Variants in PLB1 observed in about 807,000 individuals in gnomAD.
PLB1 encodes phospholipase B1.
PLB1 carries 242 observed loss-of-function variants against 227.4 expected under a neutral mutation model. The observed-to-expected ratio is 1.06, with a 90% CI of 0.96 to 1.18. The LOEUF (loss-of-function observed/expected upper bound fraction) is 1.18. Among genes scored for constraint, PLB1 ranks in the 50% most tolerant of loss-of-function variants. The pLI is 0.00. For missense variants in PLB1, 1,858 were observed against 1,816.3 expected (o/e 1.02, Z -0.42); for synonymous variants, 757 against 682.2 (o/e 1.11, Z -1.71).
At chr2:28,641,465 G>A (rs879567665) in intron 57 of PLB1, among the ~76,000 whole-genome samples, 7 of 152,190 alleles carry the variant, frequency 4.6e-5, no homozygotes, top group South Asian at 2.1e-4. Context: ...AAAGTCAGCC[G>A]GGCATGGTGG....
rs145026141 is a variant in PLB1 at position 28,643,374 on chromosome 2, C to T, written c.*313C>T. The T allele has an allele frequency of 5.6e-4, 137 of 244,864 alleles. No homozygotes were observed. The highest frequency in any genetic ancestry group is 2.5e-3 in the African/African-American group (114 of 45,106). The allele number at this position is 244,864 out of a possible 1,614,324, so 15.2% of individuals were successfully genotyped here. A position where few individuals can be genotyped will look rare whatever the true frequency, so the allele number is the denominator to read the frequency against. ...GCCTCCAGCAGGGCTGCCCAAGCCA[C>T]GACCAACCAGAGCCCAAACTGCCTG... On this transcript the variant is annotated 3_prime_UTR_variant, in exon 58 of 58. Transcript: ENST00000327757.
intron 56 of PLB1, chr2:28,633,332 T>C (rs1377816696): frequency 5.1e-6 from 2 of 391,296 alleles, no homozygotes; most frequent in East Asian, 1.0e-4. Context: ...GTTGGCTAGA[T>C]GAAAATACCA....
intron 39 of PLB1, among the ~76,000 whole-genome samples, chr2:28,603,154 G>A (rs1684165149): frequency 6.6e-6 from 1 of 152,226 alleles, no homozygotes; most frequent in African/African-American, 2.4e-5. Flanking sequence ...GCCACAGAGG[G>A]GAGGGATCAA....
At chr2:28,531,821 C>G (rs948747647) in intron 8 of PLB1, among the ~76,000 whole-genome samples, 1 of 152,108 alleles carries the variant, frequency 6.6e-6, no homozygotes, top group Admixed American at 6.6e-5. Context: ...GAATCATTCA[C>G]GTATCCTTGT....
At chr2:28,548,633 C>T (rs1329147285) in intron 14 of PLB1, 2 of 616,082 alleles carry the variant, frequency 3.2e-6, no homozygotes, top group African/African-American at 3.7e-5. Context: ...CTGTGGTTCT[C>T]AAACTCGGGT....
At chr2:28,634,641 C>T (rs1689085802) in intron 56 of PLB1, among the ~76,000 whole-genome samples, 1 of 152,148 alleles carries the variant, frequency 6.6e-6, no homozygotes, top group Admixed American at 6.5e-5. Flanking sequence ...GGCACGGTGG[C>T]TCATGCCTGT....
rs763808146 is a variant in PLB1, at chr2:28,548,924, C to A, written c.1001C>A (p.Pro334His). 6.2e-6 allele frequency: 10 copies of A among 1,613,834 alleles called. No individual in the cohort carries two copies. Among genetic ancestry groups the A allele is most frequent in the Non-Finnish European group, 7.6e-6 (9 of 1,179,912 alleles). ...AAACACGGGAGGCCAATGAAGTGTC[C>A]CTCTCAGGTAGGAGGGACTGGGCAG... ...SVKHGRPMKC[P>H]SQESPYLFSY... Residue 334 changes from proline (P) to histidine (H), a missense_variant, in exon 15 of 58, where the codon CCC (proline) becomes CAC (histidine). Physicochemically the swap from Pro to His is moderately conservative, Grantham distance 77. Transcript: ENST00000327757.
intron 17 of PLB1, among the ~76,000 whole-genome samples, chr2:28,559,126 A>G (rs940437672): frequency 3.9e-5 from 6 of 152,236 alleles, no homozygotes; most frequent in Admixed American, 3.9e-4. Context: ...CCTGGGCTTG[A>G]TTCCAGGTTT....
intron 20 of PLB1, among the ~76,000 whole-genome samples, chr2:28,570,636 A>C (rs979221241): frequency 3.9e-5 from 6 of 152,122 alleles, no homozygotes; most frequent in African/African-American, 1.4e-4. Context: ...AAACACAAAA[A>C]TTAGTTGGGT....
intron 16 of PLB1, among the ~76,000 whole-genome samples, chr2:28,550,990 C>T (rs1465070831): frequency 1.3e-5 from 2 of 152,160 alleles, no homozygotes; most frequent in Non-Finnish European, 2.9e-5. Flanking sequence ...AGCAGGTCTC[C>T]CCCACAGTTC....
Position 28,604,771 on chromosome 2 carries a change from G to GGT in PLB1, c.2961+12_2961+13insGT. On this transcript the variant is annotated intron_variant, in intron 41 of 57. Coordinates refer to ENST00000327757, the MANE Select transcript of PLB1 (RefSeq NM_153021.5). ...TCCCTGTCCTGGCGGTATGTCCCCT[G>GGT]CCCTCACCCATGGTACTCTTTTAGA... is the stretch of plus-strand genomic sequence containing the variant. 6.2e-7 allele frequency: 1 copy of GGT among 1,609,958 alleles called. No individual in the cohort carries two copies. Among genetic ancestry groups the GGT allele is most frequent in the Non-Finnish European group, 8.5e-7 (1 of 1,176,860 alleles).
chr2:28,596,129 C>T (rs1401382466), intron 33 of PLB1: 1 of 152,234 alleles, frequency 6.6e-6, no homozygotes, highest in African/African-American at 2.4e-5. Context: ...ACAAATGTTA[C>T]TGAGCATCTA....
intron 51 of PLB1, among the ~76,000 whole-genome samples, chr2:28,627,281 T>C (rs1013088344): frequency 6.6e-6 from 1 of 151,966 alleles, no homozygotes; most frequent in African/African-American, 2.4e-5. Context: ...ACCCACACTC[T>C]AGAGGCAGAA....
At chr2:28,562,297 A>C (rs1676172798) in intron 17 of PLB1, among the ~76,000 whole-genome samples, 1 of 152,104 alleles carries the variant, frequency 6.6e-6, no homozygotes, top group African/African-American at 2.4e-5. Flanking sequence ...TAATCCCAGC[A>C]CTTTGGGAGG....
At chr2:28,558,656 G>A (rs758115049) in intron 17 of PLB1, among the ~76,000 whole-genome samples, 6 of 152,002 alleles carry the variant, frequency 3.9e-5, no homozygotes, top group Non-Finnish European at 5.9e-5. Flanking sequence ...AAGGGTGCAT[G>A]TGTGCATGGT....
chr2:28,571,037 A>G (rs1677927627), intron 20 of PLB1, among the ~76,000 whole-genome samples: 1 of 152,220 alleles, frequency 6.6e-6, no homozygotes, highest in African/African-American at 2.4e-5. Flanking sequence ...AAATAAAGAA[A>G]TAAAACCACT....
chr2:28,551,007 C>A (rs10170463), intron 16 of PLB1, among the ~76,000 whole-genome samples: 96,088 of 152,022 alleles, frequency 0.63, 31,172 homozygotes, highest in Non-Finnish European at 0.71. Flanking sequence ...GTTCATCTTC[C>A]GAGCTGCCTC....
Position 28,496,178 on chromosome 2 carries a change from G to A in PLB1, c.55+9G>A, listed in dbSNP as rs780218177. ...GCTGCTTCTGGGGCAAGGTAAGCGT[G>A]CCTTTTGCTCAGAGGACAACCAGTG... On this transcript the variant is annotated intron_variant, in intron 1 of 57. Transcript: ENST00000327757. The A allele has an allele frequency of 2.5e-6, 4 of 1,613,578 alleles. No individual in the cohort carries two copies. The highest frequency in any genetic ancestry group is 2.7e-5 in the African/African-American group (2 of 74,930).
At chr2:28,537,117 G>A (rs1671791136) in intron 9 of PLB1, among the ~76,000 whole-genome samples, 1 of 152,170 alleles carries the variant, frequency 6.6e-6, no homozygotes, top group African/African-American at 2.4e-5. Flanking sequence ...AGACCTGGCT[G>A]ACCCGGCCTC....
Sources: gnomAD v4.1 joint callset for allele counts (sites outside exome capture counted in the v4.1 genomes callset) on GRCh38, gnomAD v4.1.1 for gene constraint, MANE v1.5 for transcripts, NCBI Gene and HGNC (gene_info 2026-07-23, HGNC 2026-07-21) for gene names.